The following ATF3 variants were observed in gnomAD, a reference collection of about 807,000 sequenced individuals.
The protein encoded by ATF3 is cyclic AMP-dependent transcription factor ATF-3.
In ATF3, 10 loss-of-function variants were observed where a neutral mutation model predicts 18.4. The ratio of observed to expected loss-of-function variants is 0.54; its 90% CI spans 0.34 to 0.92. The LOEUF is 0.92. Among genes scored for constraint, ATF3 ranks in the 40% least tolerant of loss-of-function variants. The pLI, the probability that ATF3 is intolerant of heterozygous loss-of-function variation, is 0.02. For synonymous variants in ATF3, 78 were observed against 87.9 expected (o/e 0.89, Z 0.63); for missense variants, 183 against 222.3 (o/e 0.82, Z 1.12).
chr1:212,591,592 C>T (rs908642538), intron 1 of ATF3, among the ~76,000 whole-genome samples: 2 of 152,146 alleles, frequency 1.3e-5, no homozygotes, highest in Non-Finnish European at 2.9e-5. Context: ...GGCTCAGCTA[C>T]GTTTGTGGGC....
intron 1 of ATF3, among the ~76,000 whole-genome samples, chr1:212,588,236 G>C (rs1427502562): frequency 1.3e-5 from 2 of 152,068 alleles, no homozygotes; most frequent in Admixed American, 1.3e-4. Context: ...TGAAAACAAG[G>C]GGATTAATTG....
intron 1 of ATF3, among the ~76,000 whole-genome samples, chr1:212,612,557 G>A (rs11571533): frequency 6.6e-6 from 1 of 152,220 alleles, no homozygotes; most frequent in Non-Finnish European, 1.5e-5. Flanking sequence ...GCTTTAGAAG[G>A]CTAGTTTCTC....
upstream of ATF3, among the ~76,000 whole-genome samples, chr1:212,607,157 C>T (rs1654655501): frequency 6.6e-6 from 1 of 152,114 alleles, no homozygotes; most frequent in Non-Finnish European, 1.5e-5. Flanking sequence ...TGAGGTCGGG[C>T]TTGGCGGCGA....
rs372955377 is a variant in ATF3, at chr1:212,619,591, T to C, written c.*36T>C. 3.2e-5 allele frequency: 52 copies of C among 1,610,834 alleles called. No individual in the cohort carries two copies. Among genetic ancestry groups the C allele is most frequent in the Middle Eastern group, 1.6e-4 (1 of 6,066 alleles). ...TATGGGGGCGACTGGGGAGTCCTCA[T>C]TGAATCCTCATTTTATACCCAAAAC... On this transcript the variant is annotated 3_prime_UTR_variant, in exon 4 of 4. Transcript: ENST00000341491. This position sits in a 1 kb window ranked among gnomAD's most constrained non-coding sequence, Gnocchi z 4.4.
At chr1:212,574,923 T>C (rs769087610) in intron 1 of ATF3, among the ~76,000 whole-genome samples, 1 of 152,138 alleles carries the variant, frequency 6.6e-6, no homozygotes, top group African/African-American at 2.4e-5. Context: ...CAAGTCCTGC[T>C]ACCCTATTTT....
chr1:212,588,209 G>T (rs914212282), intron 1 of ATF3, among the ~76,000 whole-genome samples: 60 of 152,092 alleles, frequency 3.9e-4, no homozygotes, highest in African/African-American at 1.3e-3. Flanking sequence ...GAGACTCCCG[G>T]CAGGGTGTGG....
At chr1:212,583,387 G>T (rs1664719945) in intron 1 of ATF3, among the ~76,000 whole-genome samples, 1 of 152,128 alleles carries the variant, frequency 6.6e-6, no homozygotes. Context: ...CAGTCAAGAT[G>T]CCAGCAGGAA....
At chr1:212,616,580 G>T (rs557801044) in intron 2 of ATF3, among the ~76,000 whole-genome samples, 3 of 152,270 alleles carry the variant, frequency 2.0e-5, no homozygotes, top group Admixed American at 6.5e-5. Flanking sequence ...TTACAGGTGT[G>T]AGCCACCACG....
At position 212,618,921 on chromosome 1, in the gene ATF3, G is replaced by T; in HGVS notation, c.349-437G>T. On this transcript the variant is annotated intron_variant, in intron 3 of 3. Transcript: ENST00000341491. The surrounding 1 kb of genome is among the most constrained non-coding windows in gnomAD (Gnocchi z 4.4). ...CCAAAAGTTCTGTTGATTGCTTCAG[G>T]GGATCAGTGAAAATTAGGGAATTTT... 1 of 1,252,590 alleles carries T rather than the reference G, an allele frequency of 8.0e-7. No homozygotes were observed. The highest frequency in any genetic ancestry group is 2.4e-5 in the East Asian group (1 of 41,184). The allele number at this position is 1,252,590 out of a possible 1,614,324, so 77.6% of individuals were successfully genotyped here.
chr1:212,570,579 C>T (rs1664462827), intron 1 of ATF3, among the ~76,000 whole-genome samples: 1 of 152,082 alleles, frequency 6.6e-6, no homozygotes, highest in Admixed American at 6.6e-5. Flanking sequence ...ATGGAAATTA[C>T]CATCATCCCG....
intron 1 of ATF3, among the ~76,000 whole-genome samples, chr1:212,571,670 A>G (rs1223988824): frequency 6.6e-6 from 1 of 150,448 alleles, no homozygotes; most frequent in African/African-American, 2.4e-5. Context: ...TTGGCCTCCC[A>G]AAGTGCTGGG....
chr1:212,605,738 T>G (rs1654606571), upstream of ATF3, among the ~76,000 whole-genome samples: 1 of 152,238 alleles, frequency 6.6e-6, no homozygotes, highest in East Asian at 1.9e-4. Flanking sequence ...CCTTTTAATT[T>G]TTTCCCTTCC....
chr1:212,591,948 G>A (rs894820321), intron 1 of ATF3, among the ~76,000 whole-genome samples: 2 of 152,120 alleles, frequency 1.3e-5, no homozygotes, highest in African/African-American at 4.8e-5. Flanking sequence ...CATAGGCATC[G>A]CAGAGTATGT....
In ATF3 at chr1:212,619,024, A is replaced by G. The variant is rs747106349; in HGVS notation, c.349-334A>G. On this transcript the variant is annotated intron_variant, in intron 3 of 3. Coordinates refer to ENST00000341491, the MANE Select transcript of ATF3 (RefSeq NM_001674.4). The surrounding 1 kb of genome is among the most constrained non-coding windows in gnomAD (Gnocchi z 4.4). ...GTGACTCAGAATCGACTAAGCCACC[A>G]TAAGTCTGGATTTCTCCCCAGCTCC... 27 of 1,614,144 alleles carry G rather than the reference A, an allele frequency of 1.7e-5. No homozygotes were observed. Among genetic ancestry groups the G allele is most frequent in the East Asian group, 2.2e-5 (1 of 44,890 alleles).
intron 1 of ATF3, among the ~76,000 whole-genome samples, chr1:212,590,355 T>C (rs1469359340): frequency 1.3e-5 from 2 of 152,158 alleles, no homozygotes; most frequent in South Asian, 2.1e-4. Context: ...AAATCTTTCA[T>C]TGTATTGTGA....
chr1:212,583,418 G>A (rs546114789), intron 1 of ATF3, among the ~76,000 whole-genome samples: 2 of 152,254 alleles, frequency 1.3e-5, no homozygotes, highest in East Asian at 3.9e-4. Context: ...CACACAGCAG[G>A]TTTAACTGAG....
intron 1 of ATF3, among the ~76,000 whole-genome samples, chr1:212,593,354 T>C (rs1195761224): frequency 5.3e-5 from 8 of 151,002 alleles, no homozygotes; most frequent in South Asian, 2.1e-4. Context: ...GACGAGTTAA[T>C]GGGTGCAGCA....
intron 1 of ATF3, among the ~76,000 whole-genome samples, chr1:212,584,200 G>A (rs767890653): frequency 7.2e-5 from 11 of 152,000 alleles, no homozygotes; most frequent in African/African-American, 2.4e-4. Context: ...TTTACCGTCC[G>A]GACAGATTTT....
chr1:212,610,209 T>G (rs1207397323), intron 1 of ATF3, among the ~76,000 whole-genome samples: 1 of 152,240 alleles, frequency 6.6e-6, no homozygotes, highest in African/African-American at 2.4e-5. Context: ...CCTAATTTCA[T>G]TGCATAGGTC....
Sources: allele counts gnomAD v4.1 joint callset (sites outside exome capture counted in the v4.1 genomes callset), GRCh38; gene constraint gnomAD v4.1.1; non-coding constraint Gnocchi (gnomAD v3.1); transcripts MANE v1.5; gene names NCBI Gene and HGNC (gene_info 2026-07-23, HGNC 2026-07-21).